The following ASIC2 variants were observed in gnomAD, a reference collection of about 807,000 sequenced individuals.
The protein encoded by ASIC2 is acid sensing ion channel subunit 2.
Under a neutral mutation model 57.3 loss-of-function variants are expected in ASIC2, and 25 were observed. That is an observed-to-expected ratio of 0.44 (90% CI 0.32 to 0.61). The LOEUF is 0.61. Ranked by LOEUF, ASIC2 falls within the 20% of genes least tolerant of loss-of-function variation. The probability of loss-of-function intolerance (pLI) is 0.06; values close to 1 mark genes in which losing one functional copy is unlikely to be tolerated. For synonymous variants in ASIC2, 319 were observed against 307.5 expected (o/e 1.04, Z -0.39); for missense variants, 641 against 738.1 (o/e 0.87, Z 1.52).
intron 1 of ASIC2, among the ~76,000 whole-genome samples, chr17:33,754,124 C>G (rs1186350882): frequency 6.6e-6 from 1 of 152,160 alleles, no homozygotes; most frequent in East Asian, 1.9e-4. Flanking sequence ...CCTGCACCAC[C>G]TCTCTATCCC....
In ASIC2 at chr17:33,112,003, G is replaced by A; in HGVS notation, c.773C>T (p.Thr258Ile). The A allele has an allele frequency of 6.2e-7, 1 of 1,614,030 alleles. No individual in the cohort carries two copies. The highest frequency in any genetic ancestry group is 8.5e-7 in the Non-Finnish European group (1 of 1,180,000). The change falls in exon 2 of 10, where the codon ACC becomes ATC. Residue 258 changes from threonine (T) to isoleucine (I), a missense_variant. Coordinates refer to ENST00000225823, the MANE Select transcript of ASIC2 (RefSeq NM_183377.2). ...GTTGCCTGTCCCCCCCTTGACCGTGGTGAGCAGAGGTTTGCCATCCTCGCC... is the reference window on the plus strand; with the variant it reads ...GTTGCCTGTCCCCCCCTTGACCGTGATGAGCAGAGGTTTGCCATCCTCGCC... ...NSGEDGKPLL[T>I]TVKGGTGNGL...
intron 1 of ASIC2, among the ~76,000 whole-genome samples, chr17:33,517,225 C>T (rs928449250): frequency 6.6e-6 from 1 of 152,184 alleles, no homozygotes; most frequent in African/African-American, 2.4e-5. Flanking sequence ...AAGTGATTCT[C>T]CTGCCTCAGC....
chr17:33,429,735 G>T (rs950231395), intron 1 of ASIC2, among the ~76,000 whole-genome samples: 15 of 152,164 alleles, frequency 9.9e-5, no homozygotes, highest in African/African-American at 3.6e-4. Flanking sequence ...GCATTTTGTT[G>T]CCTGAGCAAA....
chr17:33,816,374 C>A (rs1004761059), intron 1 of ASIC2, among the ~76,000 whole-genome samples: 1 of 152,164 alleles, frequency 6.6e-6, no homozygotes, highest in Non-Finnish European at 1.5e-5. Flanking sequence ...ATGAATAAAA[C>A]CCACACTGTT....
intron 1 of ASIC2, among the ~76,000 whole-genome samples, chr17:33,985,769 G>A (rs887803127): frequency 8.5e-5 from 13 of 152,200 alleles, no homozygotes; most frequent in African/African-American, 2.7e-4. Context: ...CCACTCCTCT[G>A]TCTAAAGCTG....
At chr17:33,641,105 G>T (rs1422563982) in intron 1 of ASIC2, among the ~76,000 whole-genome samples, 1 of 152,128 alleles carries the variant, frequency 6.6e-6, no homozygotes, top group Non-Finnish European at 1.5e-5. Context: ...TACAGAGAAG[G>T]ATGAACCTGC....
chr17:33,291,337 G>C (rs1567812330), intron 1 of ASIC2, 71 bp downstream of exon 1: 2 of 1,510,356 alleles, frequency 1.3e-6, no homozygotes, highest in Non-Finnish European at 1.8e-6. Flanking sequence ...CCGAGGGGGC[G>C]GAACACCAGG....
At chr17:34,004,371 T>C (rs750172785) in intron 1 of ASIC2, 2 of 152,142 alleles carry the variant, frequency 1.3e-5, no homozygotes, top group Non-Finnish European at 2.9e-5. Context: ...GCCAAACCCA[T>C]AATAGACACA....
chr17:33,730,618 G>A (rs559959697), intron 1 of ASIC2, among the ~76,000 whole-genome samples: 1 of 152,318 alleles, frequency 6.6e-6, no homozygotes, highest in Non-Finnish European at 1.5e-5. Context: ...TCTTCTAGAT[G>A]TTTGAAATAG....
chr17:33,110,714 G>A (rs1318404848), intron 2 of ASIC2, among the ~76,000 whole-genome samples: 1 of 152,184 alleles, frequency 6.6e-6, no homozygotes, highest in Non-Finnish European at 1.5e-5. Context: ...CAGCAGCCTG[G>A]TAAGCCTGGG....
At chr17:33,737,958 A>G (rs931733516) in intron 1 of ASIC2, among the ~76,000 whole-genome samples, 2 of 152,246 alleles carry the variant, frequency 1.3e-5, no homozygotes, top group African/African-American at 4.8e-5. Flanking sequence ...AAACAAAAAA[A>G]TAAATAAATA....
chr17:33,150,137 C>A (rs1165895019), intron 1 of ASIC2, among the ~76,000 whole-genome samples: 1 of 152,194 alleles, frequency 6.6e-6, no homozygotes, highest in Non-Finnish European at 1.5e-5. Context: ...CTTCAGATTG[C>A]CATTTTGTTT....
At chr17:33,816,458 T>C (rs1460818253) in intron 1 of ASIC2, among the ~76,000 whole-genome samples, 36 of 152,234 alleles carry the variant, frequency 2.4e-4, no homozygotes, top group Admixed American at 2.4e-3. Context: ...TATTCTCATT[T>C]GACAGATGAG....
At chr17:33,309,591 C>G (rs547935727) in intron 1 of ASIC2, among the ~76,000 whole-genome samples, 1 of 152,260 alleles carries the variant, frequency 6.6e-6, no homozygotes, top group African/African-American at 2.4e-5. Context: ...TCACCTCCAC[C>G]TCCACTGTCC....
intron 3 of ASIC2, among the ~76,000 whole-genome samples, chr17:33,079,664 T>A (rs901205290): frequency 1.3e-5 from 2 of 152,092 alleles, no homozygotes; most frequent in African/African-American, 2.4e-5. Context: ...GTTGTTCTTA[T>A]CTGGGTGAAA....
At chr17:33,847,506 A>G (rs1290198935) in intron 1 of ASIC2, among the ~76,000 whole-genome samples, 1 of 152,060 alleles carries the variant, frequency 6.6e-6, no homozygotes. Flanking sequence ...ATGGCTAGGC[A>G]CACATAAACC....
At chr17:33,451,161 A>C (rs917559988) in intron 1 of ASIC2, among the ~76,000 whole-genome samples, 13 of 150,434 alleles carry the variant, frequency 8.6e-5, no homozygotes, top group African/African-American at 3.2e-4. Flanking sequence ...AGATCATGGG[A>C]TTCTCCTGCT....
At chr17:33,304,536 CA>C (rs1458546990) in intron 1 of ASIC2, among the ~76,000 whole-genome samples, 26 of 152,340 alleles carry the variant, frequency 1.7e-4, no homozygotes, top group African/African-American at 6.3e-4. Flanking sequence ...GCCCACCAAC[CA>C]GTAAAAGTGA....
chr17:34,119,750 A>C (rs996295399), intron 1 of ASIC2, among the ~76,000 whole-genome samples: 2 of 152,164 alleles, frequency 1.3e-5, no homozygotes, highest in Admixed American at 1.3e-4. Flanking sequence ...ACCTTGTGTT[A>C]CAACTGTGGA....
Sources: gnomAD v4.1 joint callset for allele counts (sites outside exome capture counted in the v4.1 genomes callset) on GRCh38, gnomAD v4.1.1 for gene constraint, MANE v1.5 for transcripts, NCBI Gene and HGNC (gene_info 2026-07-23, HGNC 2026-07-21) for gene names.